The following FGGY variants were observed in gnomAD, a reference collection of about 807,000 sequenced individuals.
FGGY encodes FGGY carbohydrate kinase domain-containing protein.
FGGY carries 72 observed loss-of-function variants against 71.3 expected under a neutral mutation model. That is an observed-to-expected ratio of 1.01 (90% CI 0.84 to 1.23). FGGY has a LOEUF of 1.23. Among genes scored for constraint, FGGY ranks in the 50% most tolerant of loss-of-function variants. The pLI is 0.00. For missense variants in FGGY, 668 were observed against 682.3 expected, an observed-to-expected ratio of 0.98 and a Z score of 0.23; for synonymous variants, 251 against 250.3, an observed-to-expected ratio of 1.00 and a Z score of -0.02.
At chr1:59,499,299 G>GTTTTCTTTTTTT (rs1553249151) in intron 6 of FGGY, among the ~76,000 whole-genome samples, 1 of 105,804 alleles carries the variant, frequency 9.5e-6, no homozygotes, top group Admixed American at 1.1e-4. Context: ...TACTATGTTT[G>GTTTTCTTTTTTT]TTTTTTTTTT....
At chr1:59,375,681 G>A (rs2058545211) in intron 4 of FGGY, among the ~76,000 whole-genome samples, 1 of 152,070 alleles carries the variant, frequency 6.6e-6, no homozygotes, top group South Asian at 2.1e-4. Flanking sequence ...ATTGGTGACG[G>A]TTAGTGTGGT....
intron 14 of FGGY, among the ~76,000 whole-genome samples, chr1:59,725,175 T>C (rs1311384368): frequency 1.3e-5 from 2 of 152,234 alleles, no homozygotes; most frequent in Admixed American, 6.5e-5. Flanking sequence ...GTTTTGCATG[T>C]GGACATACAA....
chr1:59,747,071 G>T (rs940655003), intron 14 of FGGY, among the ~76,000 whole-genome samples: 3 of 152,030 alleles, frequency 2.0e-5, no homozygotes, highest in Admixed American at 2.0e-4. Context: ...TACAGCTCAC[G>T]GCAGTACTAT....
intron 14 of FGGY, among the ~76,000 whole-genome samples, chr1:59,684,917 A>G (rs1347053094): frequency 1.3e-5 from 2 of 152,240 alleles, no homozygotes; most frequent in Non-Finnish European, 2.9e-5. Context: ...GCAGAAAAGT[A>G]CTATTATCAT....
intron 8 of FGGY, among the ~76,000 whole-genome samples, chr1:59,567,846 T>C (rs2095900906): frequency 6.6e-6 from 1 of 150,512 alleles, no homozygotes; most frequent in African/African-American, 2.5e-5. Context: ...CCTTTGTCGA[T>C]AAAAAATCCT....
intron 11 of FGGY, among the ~76,000 whole-genome samples, chr1:59,648,340 T>G (rs1322114473): frequency 4.5e-5 from 6 of 134,442 alleles, no homozygotes; most frequent in East Asian, 2.1e-4. Context: ...TTCCACAATG[T>G]TTGAACTAGT....
rs561691165 is a variant in FGGY at position 59,391,140 on chromosome 1, C to G, written c.554+12303C>G. 5.3e-5 allele frequency among the ~76,000 whole-genome samples: 8 copies of G among 152,280 alleles called. No individual in the cohort carries two copies. The East Asian group carries it at 1.5e-3, about 29-fold the overall frequency. Reference sequence around the variant, plus strand: ...CCTAGTAAACCTGTGGTTCGATGACCTTTTTCTCCACCTCCTCCCTGGCTT... The same window carrying G: ...CCTAGTAAACCTGTGGTTCGATGACGTTTTTCTCCACCTCCTCCCTGGCTT... On this transcript the variant is annotated intron_variant, in intron 5 of 15. Transcript: ENST00000303721.
intron 5 of FGGY, among the ~76,000 whole-genome samples, chr1:59,397,417 A>G (rs1418685677): frequency 1.3e-5 from 2 of 152,258 alleles, no homozygotes; most frequent in Admixed American, 1.3e-4. Flanking sequence ...AATAACAGCC[A>G]CAGAAACAAC....
At chr1:59,573,489 CATAT>C (rs1334012783) in intron 8 of FGGY, among the ~76,000 whole-genome samples, 1 of 151,632 alleles carries the variant, frequency 6.6e-6, no homozygotes, top group Admixed American at 6.6e-5. Flanking sequence ...CATGTATGTT[CATAT>C]ATATATGTTT....
chr1:59,311,597 A>G (rs552880318), intron 1 of FGGY, among the ~76,000 whole-genome samples: 1 of 152,268 alleles, frequency 6.6e-6, no homozygotes, highest in South Asian at 2.1e-4. Context: ...GCTGTGTAGT[A>G]TTCTATGGTA....
At chr1:59,590,233 AC>A (rs1346209727) in intron 8 of FGGY, among the ~76,000 whole-genome samples, 1 of 152,298 alleles carries the variant, frequency 6.6e-6, no homozygotes, top group East Asian at 1.9e-4. Context: ...CCAAGCCTAA[AC>A]CAAGAAGAAG....
At chr1:59,498,391 T>C (rs1198316873) in intron 6 of FGGY, among the ~76,000 whole-genome samples, 1 of 152,192 alleles carries the variant, frequency 6.6e-6, no homozygotes, top group Non-Finnish European at 1.5e-5. Flanking sequence ...TGTGCCTATT[T>C]CTGCTTATGT....
intron 14 of FGGY, among the ~76,000 whole-genome samples, chr1:59,745,398 T>C (rs1021356798): frequency 6.6e-6 from 1 of 152,180 alleles, no homozygotes; most frequent in Non-Finnish European, 1.5e-5. Context: ...CTAACCAACA[T>C]CCCTTGCAGC....
intron 14 of FGGY, among the ~76,000 whole-genome samples, chr1:59,697,323 A>G (rs1283011384): frequency 6.6e-6 from 1 of 152,160 alleles, no homozygotes; most frequent in Non-Finnish European, 1.5e-5. Context: ...CAAAACTGAA[A>G]CTTTACCCGT....
intron 14 of FGGY, among the ~76,000 whole-genome samples, chr1:59,702,766 T>G (rs549181545): frequency 4.6e-5 from 7 of 152,154 alleles, no homozygotes; most frequent in African/African-American, 1.7e-4. Flanking sequence ...AGCTCTAGAA[T>G]TTTGTGTTCA....
intron 14 of FGGY, chr1:59,697,682 C>A (rs1322777442): frequency 7.7e-7 from 1 of 1,303,758 alleles, no homozygotes; most frequent in Admixed American, 2.3e-5. Flanking sequence ...TGGACGATAG[C>A]AGCAATGGGA....
rs570123075 is a variant in FGGY, at chr1:59,468,697, C to T, written c.670+11621C>T. On this transcript the variant is annotated intron_variant, in intron 6 of 15. Transcript: ENST00000303721. Reference sequence around the variant, plus strand: ...ACCATACTGGCTAACATGGTGAAACCCTGTCTTTATTAAAAATACAAAAAA... The same window carrying T: ...ACCATACTGGCTAACATGGTGAAACTCTGTCTTTATTAAAAATACAAAAAA... Among the ~76,000 whole-genome samples, 9 of 151,890 alleles carry T rather than the reference C, an allele frequency of 5.9e-5. No individual in the cohort carries two copies. In the South Asian group the frequency reaches 1.9e-3, roughly 32 times the overall value.
chr1:59,477,759 A>G (rs1178919168), intron 6 of FGGY, among the ~76,000 whole-genome samples: 1 of 152,114 alleles, frequency 6.6e-6, no homozygotes, highest in Non-Finnish European at 1.5e-5. Flanking sequence ...TGATTTTACG[A>G]TGTTTATTAA....
intron 1 of FGGY, among the ~76,000 whole-genome samples, chr1:59,297,886 A>T (rs995234651): frequency 6.6e-6 from 1 of 152,162 alleles, no homozygotes; most frequent in African/African-American, 2.4e-5. Flanking sequence ...TTTCCACTAA[A>T]GCACTTCTGT....
Sources: allele counts gnomAD v4.1 joint callset (sites outside exome capture counted in the v4.1 genomes callset), GRCh38; gene constraint gnomAD v4.1.1; transcripts MANE v1.5; gene names NCBI Gene and HGNC (gene_info 2026-07-23, HGNC 2026-07-21).